The following GRIN2D variants were observed in gnomAD, a reference collection of about 807,000 sequenced individuals.
The protein encoded by GRIN2D is glutamate receptor ionotropic, NMDA 2D.
GRIN2D carries 37 observed loss-of-function variants against 103.2 expected under a neutral mutation model. The ratio of observed to expected loss-of-function variants is 0.36; its 90% CI spans 0.28 to 0.47. The LOEUF is 0.47. Among genes scored for constraint, GRIN2D ranks in the 20% least tolerant of loss-of-function variants. The pLI is 1.00. For missense variants in GRIN2D, 1,557 were observed against 1,910.6 expected, an observed-to-expected ratio of 0.81 and a Z score of 3.45; for synonymous variants, 845 against 885.6, an observed-to-expected ratio of 0.95 and a Z score of 0.81.
chr19:48,398,366 G>A lies in GRIN2D; in HGVS notation c.-26-1G>A. 1 of 1,111,718 alleles carries A rather than the reference G, an allele frequency of 9.0e-7. No homozygotes were observed. Among genetic ancestry groups the A allele is most frequent in the Non-Finnish European group, 1.1e-6 (1 of 910,592 alleles). 68.9% of individuals were successfully genotyped at this position (1,111,718 alleles called of 1,614,324 possible). On this transcript the variant is annotated splice_acceptor_variant, in intron 2 of 13. Coordinates refer to ENST00000263269, the MANE Select transcript of GRIN2D (RefSeq NM_000836.4). LOFTEE classifies it low-confidence loss of function (5UTR_SPLICE). ...CCGTCTCTCCCGGCCCGGGCGCTCAGAGGCCGCCCGGCGGGGCCCGCAGGC... is the reference window on the plus strand; with the variant it reads ...CCGTCTCTCCCGGCCCGGGCGCTCAAAGGCCGCCCGGCGGGGCCCGCAGGC...
chr19:48,430,164 C>T (rs892941712), intron 11 of GRIN2D, among the ~76,000 whole-genome samples: 8 of 152,078 alleles, frequency 5.3e-5, no homozygotes, highest in Non-Finnish European at 7.4e-5. Context: ...AGTAGTAAAC[C>T]GTGATTACTT....
intron 3 of GRIN2D, among the ~76,000 whole-genome samples, chr19:48,400,325 C>T (rs1970695873): frequency 1.3e-5 from 2 of 152,232 alleles, no homozygotes; most frequent in Non-Finnish European, 2.9e-5. Context: ...CCATTCCCTG[C>T]TGTGCGGGCC....
At chr19:48,419,439 G>A (rs1970988810) in intron 9 of GRIN2D, 80 bp downstream of exon 9, 1 of 1,522,082 alleles carries the variant, frequency 6.6e-7, no homozygotes, top group Non-Finnish European at 8.8e-7. Context: ...AGCAGCCCCT[G>A]GAGGGGGGGC....
In GRIN2D at chr19:48,442,780, C is replaced by A; in HGVS notation, c.2854C>A (p.Pro952Thr). The A allele has an allele frequency of 9.4e-7, 1 of 1,068,700 alleles. No individual in the cohort carries two copies. Among genetic ancestry groups the A allele is most frequent in the South Asian group, 3.8e-5 (1 of 26,024 alleles). 66.2% of individuals were successfully genotyped at this position (1,068,700 alleles called of 1,614,324 possible). A position where few individuals can be genotyped will look rare whatever the true frequency, so the allele number is the denominator to read the frequency against. Residue 952 changes from proline (P) to threonine (T), a missense_variant, in exon 14 of 14, where the codon CCG becomes ACG. Pro to Thr is a conservative substitution (Grantham distance 38). Transcript: ENST00000263269. The surrounding 1 kb of genome is among the most constrained non-coding windows in gnomAD (Gnocchi z 7.2). Reference protein sequence around the residue: ...RWRRTKGAGPPGGAGLADGFH... With the variant: ...RWRRTKGAGPTGGAGLADGFH... The stretch of plus-strand genomic sequence containing the variant: ...GCGCCGGACCAAGGGCGCGGGGCCG[C>A]CGGGGGGCGCGGGCCTGGCCGACGG...
At chr19:48,432,809 G>A (rs1230276617) in intron 11 of GRIN2D, among the ~76,000 whole-genome samples, 12 of 134,266 alleles carry the variant, frequency 8.9e-5, no homozygotes, top group Non-Finnish European at 1.6e-4. Flanking sequence ...GCTTTTTTTT[G>A]AGACAGAGTC....
chr19:48,398,364 C>T lies in GRIN2D; in HGVS notation c.-26-3C>T. On this transcript the variant is annotated splice_polypyrimidine_tract_variant and splice_region_variant and intron_variant, in intron 2 of 13. Coordinates refer to ENST00000263269, the MANE Select transcript of GRIN2D (RefSeq NM_000836.4). ...CCCCGTCTCTCCCGGCCCGGGCGCT[C>T]AGAGGCCGCCCGGCGGGGCCCGCAG... The T allele has an allele frequency of 9.0e-7, 1 of 1,107,078 alleles. No individual in the cohort carries two copies. The highest frequency in any genetic ancestry group is 1.1e-6 in the Non-Finnish European group (1 of 907,312). The allele number at this position is 1,107,078 out of a possible 1,614,324, so 68.6% of individuals were successfully genotyped here. A position where few individuals can be genotyped will look rare whatever the true frequency, so the allele number is the denominator to read the frequency against.
At chr19:48,417,515 C>T (rs187977071) in intron 8 of GRIN2D, among the ~76,000 whole-genome samples, 38 of 152,280 alleles carry the variant, frequency 2.5e-4, no homozygotes, top group African/African-American at 8.4e-4. Flanking sequence ...GAGCAAAGCT[C>T]CTGGGAGAGG....
At chr19:48,398,290 T>G in intron 2 of GRIN2D, 77 bp from the exon 3 acceptor site, 4 of 501,726 alleles carry the variant, frequency 8.0e-6, no homozygotes, top group Non-Finnish European at 1.1e-5. Context: ...GTGCGTCTCT[T>G]TATCTCGTCT....
intron 8 of GRIN2D, among the ~76,000 whole-genome samples, chr19:48,418,880 C>T (rs1462521948): frequency 2.6e-5 from 4 of 151,992 alleles, no homozygotes; most frequent in Non-Finnish European, 5.9e-5. Flanking sequence ...ACAGAAATGC[C>T]TGCGACGGCT....
chr19:48,416,262 T>C, intron 8 of GRIN2D, 107 bp downstream of exon 8: 1 of 906,940 alleles, frequency 1.1e-6, no homozygotes, highest in Non-Finnish European at 1.7e-6. Flanking sequence ...CATCGGTACT[T>C]GAACCCGCTG....
At position 48,405,985 on chromosome 19, in the gene GRIN2D, G is replaced by A; in HGVS notation, c.1085+632G>A. Among the ~76,000 whole-genome samples, 1 of 152,300 alleles carries A rather than the reference G, an allele frequency of 6.6e-6. No homozygotes were observed. Among genetic ancestry groups the A allele is most frequent in the Admixed American group, 6.5e-5 (1 of 15,286 alleles). On this transcript the variant is annotated intron_variant, in intron 4 of 13. Coordinates refer to ENST00000263269, the MANE Select transcript of GRIN2D (RefSeq NM_000836.4). The surrounding 1 kb of genome is among the most constrained non-coding windows in gnomAD (Gnocchi z 5.1). ...CAGCAAGCACTTTCCTTTTGAGTAA[G>A]TGAGGCAGAAAGGACACGCCTCATA...
Position 48,442,099 on chromosome 19 carries a change from G to C in GRIN2D, c.2441-51G>C, listed in dbSNP as rs777175960. The stretch of plus-strand genomic sequence containing the variant: ...GCCTACATTCCCACATCACAGACAA[G>C]GGTCCTCAGAGGGTACTCATAGCAG... On this transcript the variant is annotated intron_variant, in intron 12 of 13. Transcript: ENST00000263269. The surrounding 1 kb of genome is among the most constrained non-coding windows in gnomAD (Gnocchi z 7.2). The C allele has an allele frequency of 6.4e-7, 1 of 1,559,904 alleles. No individual in the cohort carries two copies.
chr19:48,400,270 A>G (rs888709220), intron 3 of GRIN2D, among the ~76,000 whole-genome samples: 10 of 152,208 alleles, frequency 6.6e-5, no homozygotes, highest in Admixed American at 4.6e-4. Context: ...GCCTCTCCAG[A>G]GGTGGGGCCA....
At chr19:48,417,581 C>T (rs535760444) in intron 8 of GRIN2D, among the ~76,000 whole-genome samples, 1 of 152,156 alleles carries the variant, frequency 6.6e-6, no homozygotes, top group Non-Finnish European at 1.5e-5. Flanking sequence ...CTGTTTATTT[C>T]GCCCAGTGGT....
intron 11 of GRIN2D, among the ~76,000 whole-genome samples, chr19:48,437,676 C>T (rs976719862): frequency 6.6e-6 from 1 of 152,166 alleles, no homozygotes; most frequent in African/African-American, 2.4e-5. Context: ...CATCTTATCC[C>T]AGTCCCAGCC....
chr19:48,420,029 A>G (rs1434473355), intron 10 of GRIN2D, among the ~76,000 whole-genome samples: 1 of 152,088 alleles, frequency 6.6e-6, no homozygotes, highest in African/African-American at 2.4e-5. Context: ...GCTATTTAAA[A>G]TATTCCTAGG....
chr19:48,423,738 C>A (rs77496345), intron 11 of GRIN2D, among the ~76,000 whole-genome samples: 1,622 of 152,086 alleles, frequency 0.011, 12 homozygotes, highest in Non-Finnish European at 0.018. Context: ...AGGCCAAGGT[C>A]AGGGCTGGAC....
chr19:48,440,344 G>C (rs1384666819), intron 11 of GRIN2D, among the ~76,000 whole-genome samples: 1 of 152,178 alleles, frequency 6.6e-6, no homozygotes, highest in Non-Finnish European at 1.5e-5. Flanking sequence ...TGTAGTCCCA[G>C]TACTTTGGGT....
In GRIN2D at chr19:48,442,873, G is replaced by A; in HGVS notation, c.2947G>A (p.Ala983Thr). ...CCTCGGCCTGGGCGAAGCGCGCGCG[G>A]CACCGCGGGGCGCAGCCGGGCGCCC... ...LGLGLGEARA[A>T]PRGAAGRPLS... Residue 983 changes from alanine (A) to threonine (T), a missense_variant, in exon 14 of 14, where the codon GCA becomes ACA. By Grantham distance (58) the Ala-to-Thr change is moderately conservative. Coordinates refer to ENST00000263269, the MANE Select transcript of GRIN2D (RefSeq NM_000836.4). The surrounding 1 kb of genome is among the most constrained non-coding windows in gnomAD (Gnocchi z 7.2). The A allele has an allele frequency of 9.2e-7, 1 of 1,087,714 alleles. No homozygotes were observed. The highest frequency in any genetic ancestry group is 6.2e-5 in the East Asian group (1 of 16,168). 67.4% of individuals were successfully genotyped at this position (1,087,714 alleles called of 1,614,324 possible).
Sources: gnomAD v4.1 joint callset for allele counts (sites outside exome capture counted in the v4.1 genomes callset) on GRCh38, gnomAD v4.1.1 for gene constraint, Gnocchi (gnomAD v3.1) non-coding constraint, MANE v1.5 for transcripts, NCBI Gene and HGNC (gene_info 2026-07-23, HGNC 2026-07-21) for gene names.